NF1: variants seen among roughly 807,000 people sequenced by gnomAD.
The protein encoded by NF1 is neurofibromin 1, also known as neurofibromin.
NF1 carries 122 observed loss-of-function variants against 325.7 expected under a neutral mutation model. The ratio of observed to expected loss-of-function variants is 0.37; its 90% confidence interval spans 0.32 to 0.44. The LOEUF is 0.44. Among genes scored for constraint, NF1 ranks in the 20% least tolerant of loss-of-function variants. The pLI, the probability that NF1 is intolerant of heterozygous loss-of-function variation, is 1.00. For missense variants in NF1, 2,140 were observed against 3,415.4 expected (o/e 0.63, Z 9.31); for synonymous variants, 1,091 against 1,186.0 (o/e 0.92, Z 1.65).
chr17:31,359,189 C>T (rs1256097699), intron 56 of NF1, 174 bp downstream of exon 56: 1 of 604,052 alleles, frequency 1.7e-6, no homozygotes, highest in East Asian at 2.9e-5. Flanking sequence ...CAGGAGGCAG[C>T]ATGGTGTTGG....
At chr17:31,243,641 CA>C (rs2067342638) in intron 29 of NF1, among the ~76,000 whole-genome samples, 1 of 152,004 alleles carries the variant, frequency 6.6e-6, no homozygotes, top group Non-Finnish European at 1.5e-5. Flanking sequence ...GATGTTCACT[CA>C]AGGCCCAAGG....
At chr17:31,191,656 T>G (rs1293938132) in intron 8 of NF1, among the ~76,000 whole-genome samples, 3 of 152,104 alleles carry the variant, frequency 2.0e-5, no homozygotes, top group Admixed American at 6.6e-5. Flanking sequence ...GGGGATTGAT[T>G]GTGGTGATGT....
At chr17:31,233,805 C>G (rs1388140337) in intron 27 of NF1, among the ~76,000 whole-genome samples, 3 of 152,024 alleles carry the variant, frequency 2.0e-5, no homozygotes, top group African/African-American at 7.3e-5. Flanking sequence ...TTTAGTGTAC[C>G]AAAACTGATT....
At chr17:31,298,359 G>A (rs936003722) in intron 36 of NF1, among the ~76,000 whole-genome samples, 2 of 152,002 alleles carry the variant, frequency 1.3e-5, no homozygotes, top group Non-Finnish European at 1.5e-5. Context: ...CGGTATTTTC[G>A]TTACCAAGTG....
At chr17:31,279,923 A>AT (rs1254402708) in intron 36 of NF1, among the ~76,000 whole-genome samples, 2 of 152,274 alleles carry the variant, frequency 1.3e-5, no homozygotes, top group East Asian at 3.9e-4. Flanking sequence ...AAATGATTTA[A>AT]TTTTAAAAAG....
intron 36 of NF1, among the ~76,000 whole-genome samples, chr17:31,279,918 AT>A (rs1452032770): frequency 6.6e-6 from 1 of 152,194 alleles, no homozygotes; most frequent in Non-Finnish European, 1.5e-5. Flanking sequence ...AAGAAAAATG[AT>A]TTAATTTTAA....
At chr17:31,280,163 A>G (rs2068088366) in intron 36 of NF1, among the ~76,000 whole-genome samples, 1 of 152,102 alleles carries the variant, frequency 6.6e-6, no homozygotes, top group Non-Finnish European at 1.5e-5. Context: ...TAAAGGACCA[A>G]ATAGTAAACA....
At chr17:31,198,379 ATCTGGTCCTAGCCTTT>A (rs1678528459) in intron 8 of NF1, among the ~76,000 whole-genome samples, 1 of 152,194 alleles carries the variant, frequency 6.6e-6, no homozygotes, top group Non-Finnish European at 1.5e-5. Context: ...AGTGAAAGCT[ATCTGGTCCTAGCCTTT>A]TCTTTGGGAG....
intron 47 of NF1, among the ~76,000 whole-genome samples, chr17:31,340,936 G>C (rs570876747): frequency 6.6e-6 from 1 of 150,410 alleles, no homozygotes; most frequent in South Asian, 2.1e-4. Context: ...CATCCTTACA[G>C]AATGAGCATA....
At chr17:31,226,053 T>C (rs1361446917) in intron 17 of NF1, among the ~76,000 whole-genome samples, 6 of 152,144 alleles carry the variant, frequency 3.9e-5, no homozygotes, top group Non-Finnish European at 8.8e-5. Context: ...ACTTCCTCTT[T>C]TTTTGTCATT....
At chr17:31,307,210 C>T (rs746140112) in intron 36 of NF1, among the ~76,000 whole-genome samples, 5 of 151,112 alleles carry the variant, frequency 3.3e-5, no homozygotes, top group Non-Finnish European at 7.4e-5. Flanking sequence ...TTAGCACAGA[C>T]GGGGTTTCAC....
At chr17:31,204,057 G>C (rs533971983) in intron 11 of NF1, among the ~76,000 whole-genome samples, 2 of 152,098 alleles carry the variant, frequency 1.3e-5, no homozygotes, top group African/African-American at 4.8e-5. Flanking sequence ...CATAAGAGAT[G>C]AATTAATAGT....
intron 1 of NF1, among the ~76,000 whole-genome samples, chr17:31,150,220 T>G (rs1483450510): frequency 1.3e-5 from 2 of 152,210 alleles, no homozygotes; most frequent in Admixed American, 6.5e-5. Context: ...AGAGTCATGT[T>G]GTTGATCAAC....
chr17:31,117,598 G>A (rs1019315298), intron 1 of NF1, among the ~76,000 whole-genome samples: 2 of 146,850 alleles, frequency 1.4e-5, no homozygotes, highest in South Asian at 2.1e-4. Context: ...ACGTGAACAC[G>A]GGAGGCGGAG....
At chr17:31,233,426 C>G (rs533308737) in intron 27 of NF1, among the ~76,000 whole-genome samples, 69 of 152,124 alleles carry the variant, frequency 4.5e-4, no homozygotes, top group Non-Finnish European at 7.4e-4. Flanking sequence ...CTAAAAAATT[C>G]CATTTAAACG....
At chr17:31,217,315 CTT>C (rs67301567) in intron 13 of NF1, among the ~76,000 whole-genome samples, 12 of 144,404 alleles carry the variant, frequency 8.3e-5, no homozygotes, top group Admixed American at 1.3e-4. Context: ...ATATATTCTT[CTT>C]TTTTTTTTTT....
At chr17:31,098,428 G>C (rs1014658956) in intron 1 of NF1, among the ~76,000 whole-genome samples, 9 of 151,716 alleles carry the variant, frequency 5.9e-5, no homozygotes, top group African/African-American at 2.2e-4. Flanking sequence ...GCAATGATGC[G>C]ACCTTGGCTT....
intron 20 of NF1, 47 bp downstream of exon 20, chr17:31,227,653 A>T (rs1204861734): frequency 6.8e-7 from 1 of 1,469,412 alleles, no homozygotes; most frequent in South Asian, 1.1e-5. Flanking sequence ...TCTGCTAAAT[A>T]TATGTACTTC....
chr17:31,140,237 T>G (rs1383430215), intron 1 of NF1, among the ~76,000 whole-genome samples: 2 of 152,156 alleles, frequency 1.3e-5, no homozygotes, highest in African/African-American at 2.4e-5. Flanking sequence ...GCTGTGGGGT[T>G]CAGGATGGCA....
Sources: gnomAD v4.1 joint callset for allele counts (sites outside exome capture counted in the v4.1 genomes callset) on GRCh38, gnomAD v4.1.1 for gene constraint, MANE v1.5 for transcripts, NCBI Gene and HGNC (gene_info 2026-07-23, HGNC 2026-07-21) for gene names.